Variants in AZIN2 observed in about 807,000 individuals in gnomAD.
The protein encoded by AZIN2 is ODC antizyme inhibitor-2.
A neutral mutation model predicts 47.8 loss-of-function variants in AZIN2; 28 were observed. The ratio of observed to expected loss-of-function variants is 0.59; its 90% CI spans 0.43 to 0.80. The LOEUF is 0.80. Ranked by LOEUF, AZIN2 falls within the 30% of genes least tolerant of loss-of-function variation. The pLI, the probability that AZIN2 is intolerant of heterozygous loss-of-function variation, is 0.00. For synonymous variants in AZIN2, 221 were observed against 239.4 expected, an observed-to-expected ratio of 0.92 and a Z score of 0.71; for missense variants, 535 against 582.5, an observed-to-expected ratio of 0.92 and a Z score of 0.84.
At chr1:33,127,208 G>A (rs945088433), downstream of AZIN2, among the ~76,000 whole-genome samples, 1 of 152,234 alleles carries the variant, frequency 6.6e-6, no homozygotes, top group African/African-American at 2.4e-5. Context: ...CTCAGAAGTG[G>A]AAACGATTGC....
intron 7 of AZIN2, 39 bp from the exon 8 acceptor site, chr1:33,094,509 A>G (rs1396551187): frequency 6.3e-7 from 1 of 1,588,248 alleles, no homozygotes; most frequent in Admixed American, 1.7e-5. Context: ...TGGCACTTGG[A>G]GCCCTGCATG....
At chr1:33,144,788 C>A in the AZIN2 span, among the ~76,000 whole-genome samples, 1 of 152,128 alleles carries the variant, frequency 6.6e-6, no homozygotes, top group African/African-American at 2.4e-5. Flanking sequence ...CTAGGTGGTT[C>A]CATACCCGTC....
the AZIN2 span, among the ~76,000 whole-genome samples, chr1:33,137,446 A>G: frequency 1.3e-3 from 198 of 152,348 alleles, 3 homozygotes; most frequent in African/African-American, 3.9e-3. Flanking sequence ...ATTGGATTCA[A>G]CTAATCATGA....
At chr1:33,104,886 A>G (rs1643921674) in intron 10 of AZIN2, among the ~76,000 whole-genome samples, 1 of 152,018 alleles carries the variant, frequency 6.6e-6, no homozygotes, top group South Asian at 2.1e-4. Context: ...TTTTGCAGAG[A>G]TGGGGTTTTG....
At chr1:33,112,981 T>C (rs1644354830) in intron 10 of AZIN2, among the ~76,000 whole-genome samples, 1 of 152,228 alleles carries the variant, frequency 6.6e-6, no homozygotes, top group African/African-American at 2.4e-5. Flanking sequence ...TTTTATTTAT[T>C]TATTTTTTTT....
chr1:33,117,210 TC>T (rs1644584554), intron 10 of AZIN2, among the ~76,000 whole-genome samples: 1 of 152,130 alleles, frequency 6.6e-6, no homozygotes, highest in African/African-American at 2.4e-5. Flanking sequence ...CTCTGCCAGG[TC>T]CCCCTGTGAT....
In AZIN2 at chr1:33,106,741, A is replaced by G. The variant is rs182934137; in HGVS notation, c.1029+8562A>G. Among the ~76,000 whole-genome samples, 9 of 152,332 alleles carry G rather than the reference A, an allele frequency of 5.9e-5. No homozygotes were observed. In the East Asian group the frequency reaches 1.5e-3, roughly 26 times the overall value. On this transcript the variant is annotated intron_variant, in intron 10 of 11. Transcript: ENST00000294517. ...TCCTTTCATGATAAAAACTTTCAAC[A>G]AATTAGGTATGGAAGGAATGTACCT...
downstream of AZIN2, among the ~76,000 whole-genome samples, chr1:33,124,412 GAAA>G (rs67196308): frequency 0.2 from 30,773 of 151,660 alleles, 3,791 homozygotes; most frequent in South Asian, 0.31. The surrounding 1 kb of genome is among the most constrained non-coding windows in gnomAD (Gnocchi z 4.6). Context: ...ATAAAAAAAA[GAAA>G]AAAAAGTATA....
At chr1:33,154,574 C>G in the AZIN2 span, among the ~76,000 whole-genome samples, 3 of 151,612 alleles carry the variant, frequency 2.0e-5, no homozygotes, top group Non-Finnish European at 4.4e-5. Context: ...CCAAGGTGGG[C>G]GGATCACGAG....
At chr1:33,147,107 T>G in the AZIN2 span, 2 of 1,543,710 alleles carry the variant, frequency 1.3e-6, no homozygotes, top group South Asian at 1.2e-5. The surrounding 1 kb of genome is among the most constrained non-coding windows in gnomAD (Gnocchi z 8.1). Flanking sequence ...AGTCCAGGTC[T>G]TCTATCTCCT....
chr1:33,094,825 G>C (rs1394863991), intron 8 of AZIN2, 112 bp downstream of exon 8: 3 of 1,168,742 alleles, frequency 2.6e-6, no homozygotes, highest in Admixed American at 2.1e-5. Flanking sequence ...TGCATGCAGT[G>C]CTTGGTGCTT....
In AZIN2 at chr1:33,120,034, T is replaced by C. The variant is rs755755747; in HGVS notation, c.1245-10T>C. ...GCTGGCTACTTGCAGCACCCCTCTC[T>C]CACCCCTAGGGAAGCGCTGCGAAGG... On this transcript the variant is annotated splice_polypyrimidine_tract_variant and intron_variant, in intron 11 of 11. Coordinates refer to ENST00000294517, the MANE Select transcript of AZIN2 (RefSeq NM_052998.4). The C allele has an allele frequency of 6.2e-7, 1 of 1,613,538 alleles. No individual in the cohort carries two copies. The highest frequency in any genetic ancestry group is 2.2e-5 in the East Asian group (1 of 44,878).
At chr1:33,124,294 GC>G (rs1644841027), downstream of AZIN2, among the ~76,000 whole-genome samples, 1 of 152,196 alleles carries the variant, frequency 6.6e-6, no homozygotes, top group Admixed American at 6.5e-5. This position sits in a 1 kb window ranked among gnomAD's most constrained non-coding sequence, Gnocchi z 4.6. Context: ...GAATTACAAA[GC>G]CAGGAGTTTG....
rs1276701225 is a variant in AZIN2, at chr1:33,084,145, G to C, written c.279+18G>C. 1 of 1,605,200 alleles carries C rather than the reference G, an allele frequency of 6.2e-7. No individual in the cohort carries two copies. The highest frequency in any genetic ancestry group is 1.1e-5 in the South Asian group (1 of 90,920). ...CCAACAAGGTGAGCCCTGCCCGCACGGTGCACTGACCCTCCATGCCCACTG... is the reference window on the plus strand; with the variant it reads ...CCAACAAGGTGAGCCCTGCCCGCACCGTGCACTGACCCTCCATGCCCACTG... On this transcript the variant is annotated intron_variant, in intron 5 of 11. Coordinates refer to ENST00000294517, the MANE Select transcript of AZIN2 (RefSeq NM_052998.4).
intron 10 of AZIN2, among the ~76,000 whole-genome samples, chr1:33,114,340 AT>A (rs200212145): frequency 1.7e-5 from 2 of 120,226 alleles, no homozygotes; most frequent in Admixed American, 1.8e-4. Flanking sequence ...AGACTGGATG[AT>A]TTTTTTTTCT....
intron 10 of AZIN2, among the ~76,000 whole-genome samples, chr1:33,100,482 C>T (rs1643594428): frequency 1.3e-5 from 2 of 151,996 alleles, no homozygotes; most frequent in Non-Finnish European, 2.9e-5. Context: ...CAAAGCAGTA[C>T]TCTCAATACT....
chr1:33,156,002 C>G, the AZIN2 span, among the ~76,000 whole-genome samples: 1 of 152,330 alleles, frequency 6.6e-6, no homozygotes, highest in Non-Finnish European at 1.5e-5. Context: ...ATCCCCCAAG[C>G]GCCCACCACT....
the AZIN2 span, among the ~76,000 whole-genome samples, chr1:33,135,333 C>T: frequency 4.7e-3 from 721 of 152,220 alleles, 21 homozygotes; most frequent in East Asian, 0.087. Flanking sequence ...AACCCAGGTC[C>T]GCATGCTGCC....
intron 10 of AZIN2, chr1:33,101,825 T>C: frequency 1.3e-6 from 1 of 779,134 alleles, no homozygotes; most frequent in Non-Finnish European, 2.4e-6. Flanking sequence ...TTCTCCCTCA[T>C]ATCACAGTCT....
Sources: allele counts gnomAD v4.1 joint callset (sites outside exome capture counted in the v4.1 genomes callset), GRCh38; gene constraint gnomAD v4.1.1; non-coding constraint Gnocchi (gnomAD v3.1); transcripts MANE v1.5; gene names NCBI Gene and HGNC (gene_info 2026-07-23, HGNC 2026-07-21).